The following KHDRBS2 variants were observed in gnomAD, a reference collection of about 807,000 sequenced individuals.
The protein encoded by KHDRBS2 is KH domain-containing, RNA-binding, signal transduction-associated protein 2.
A neutral mutation model predicts 44.3 loss-of-function variants in KHDRBS2; 26 were observed. The ratio of observed to expected loss-of-function variants is 0.59; its 90% CI spans 0.43 to 0.81. The LOEUF (loss-of-function observed/expected upper bound fraction) is 0.81, where lower values mean the gene tolerates loss of function less well. KHDRBS2 is among the 40% of genes least tolerant of loss of function. KHDRBS2 has a pLI of 0.00. For missense variants in KHDRBS2, 476 were observed against 433.1 expected, an observed-to-expected ratio of 1.10 and a Z score of -0.88; for synonymous variants, 194 against 151.1, an observed-to-expected ratio of 1.28 and a Z score of -2.08.
chr6:61,807,419 C>G (rs2127591544), intron 6 of KHDRBS2, among the ~76,000 whole-genome samples: 1 of 152,202 alleles, frequency 6.6e-6, no homozygotes, highest in South Asian at 2.1e-4. Flanking sequence ...TGGACTCAAC[C>G]TAAATGTCCA....
intron 2 of KHDRBS2, among the ~76,000 whole-genome samples, chr6:62,171,682 G>A (rs1248831214): frequency 6.6e-6 from 1 of 151,952 alleles, no homozygotes; most frequent in Non-Finnish European, 1.5e-5. Context: ...GCTAGAGAAG[G>A]GGCAGGCCAC....
chr6:61,801,948 C>A (rs1743450), intron 6 of KHDRBS2, among the ~76,000 whole-genome samples: 21,924 of 152,066 alleles, frequency 0.14, 2,233 homozygotes, highest in South Asian at 0.27. Context: ...TCATATGAAT[C>A]CTTTAAATCT....
intron 4 of KHDRBS2, 93 bp from the exon 5 acceptor site, chr6:61,901,464 G>T: frequency 5.4e-6 from 5 of 928,290 alleles, no homozygotes; most frequent in Admixed American, 2.6e-5. Context: ...AAACGCAATA[G>T]GAAATAATTT....
intron 6 of KHDRBS2, among the ~76,000 whole-genome samples, chr6:61,741,526 GTAT>G (rs1456256206): frequency 3.3e-5 from 5 of 151,832 alleles, no homozygotes; most frequent in Non-Finnish European, 5.9e-5. Flanking sequence ...TGTTACATGA[GTAT>G]ACTGTATTTT....
At position 62,139,547 on chromosome 6, in the gene KHDRBS2, C is replaced by T. The variant is rs186601394; in HGVS notation, c.219+37638G>A. On this transcript the variant is annotated intron_variant, in intron 2 of 8. Coordinates refer to ENST00000281156, the MANE Select transcript of KHDRBS2 (RefSeq NM_152688.4). ...CAGCCTGGGTGACAGAGTAAGACTC[C>T]GCCTCAAAAAAAAAATAAAAAGAAA... is the stretch of plus-strand genomic sequence containing the variant. 5.8e-3 allele frequency among the ~76,000 whole-genome samples: 568 copies of T among 98,130 alleles called. 1 individual carries two copies. Among genetic ancestry groups the T allele is most frequent in the South Asian group, 0.026 (67 of 2,616 alleles). The allele number at this position is 98,130 out of a possible 152,430, so 64.4% of individuals were successfully genotyped here. A position where few individuals can be genotyped will look rare whatever the true frequency, so the allele number is the denominator to read the frequency against.
chr6:61,877,355 C>T (rs961330719), intron 6 of KHDRBS2, among the ~76,000 whole-genome samples: 2 of 151,782 alleles, frequency 1.3e-5, no homozygotes, highest in Admixed American at 6.6e-5. Flanking sequence ...CTTTTAAATG[C>T]TTTACTGGGA....
intron 2 of KHDRBS2, among the ~76,000 whole-genome samples, chr6:62,122,894 T>G (rs1318515290): frequency 7.9e-6 from 1 of 126,506 alleles, no homozygotes; most frequent in African/African-American, 3.2e-5. Flanking sequence ...ATTTATTTAC[T>G]TTTTGACGTT....
At chr6:61,895,818 G>C (rs972900092) in intron 5 of KHDRBS2, among the ~76,000 whole-genome samples, 2 of 152,172 alleles carry the variant, frequency 1.3e-5, no homozygotes, top group African/African-American at 4.8e-5. Context: ...ACAGTATTTG[G>C]CTGTAGGCAC....
At position 62,177,194 on chromosome 6, in the gene KHDRBS2, C is replaced by T. The variant is rs6921170; in HGVS notation, c.210G>A (p.Gln70=). 934,826 of 1,556,374 alleles carry T rather than the reference C, an allele frequency of 0.6. 283,727 individuals carry two copies. Among genetic ancestry groups the T allele is most frequent in the African/African-American group, 0.62 (45,455 of 73,414 alleles). The change falls in exon 2 of 9, where the codon CAG becomes CAA. Residue 70 remains glutamine (Q), a synonymous_variant. Transcript: ENST00000281156. ...GTATATATGGTAGTACCTTTGGATACTGCTTGACAGGAATCAGTACTCTTT... is the reference window on the plus strand; with the variant it reads ...GTATATATGGTAGTACCTTTGGATATTGCTTGACAGGAATCAGTACTCTTT... ...LSERVLIPVK[Q]YPKFNFVGKL...
chr6:61,802,414 T>G (rs1485677710), intron 6 of KHDRBS2, among the ~76,000 whole-genome samples: 1 of 152,172 alleles, frequency 6.6e-6, no homozygotes, highest in African/African-American at 2.4e-5. Flanking sequence ...AAAGTGAATC[T>G]TAAGGGCTTT....
intron 1 of KHDRBS2, among the ~76,000 whole-genome samples, chr6:62,241,859 C>T (rs1834739877): frequency 6.6e-6 from 1 of 152,046 alleles, no homozygotes; most frequent in South Asian, 2.1e-4. Context: ...TATAGTCTGG[C>T]TCCGAAAATA....
chr6:62,280,438 G>C (rs1023573730), intron 1 of KHDRBS2, among the ~76,000 whole-genome samples: 2 of 152,136 alleles, frequency 1.3e-5, no homozygotes, highest in African/African-American at 4.8e-5. Flanking sequence ...AAAGAAATCA[G>C]AAGAAGGTCA....
chr6:61,610,751 A>C, the KHDRBS2 span, among the ~76,000 whole-genome samples: 2 of 152,256 alleles, frequency 1.3e-5, no homozygotes, highest in African/African-American at 4.8e-5. Flanking sequence ...AGTGTTTTTA[A>C]AAGCTAAACA....
intron 3 of KHDRBS2, among the ~76,000 whole-genome samples, chr6:62,029,705 A>C (rs1783997083): frequency 6.6e-6 from 1 of 152,006 alleles, no homozygotes; most frequent in African/African-American, 2.4e-5. Flanking sequence ...AAAGATAAAA[A>C]AACAGAAAGG....
chr6:62,230,753 C>T (rs917379166), intron 1 of KHDRBS2, among the ~76,000 whole-genome samples: 4 of 152,304 alleles, frequency 2.6e-5, no homozygotes, highest in African/African-American at 9.6e-5. Context: ...AAAATCCCAA[C>T]TATGATGTTT....
chr6:62,257,438 CAG>C (rs1585459849), intron 1 of KHDRBS2, among the ~76,000 whole-genome samples: 2 of 152,050 alleles, frequency 1.3e-5, no homozygotes, highest in East Asian at 1.9e-4. Context: ...AAATAAATAA[CAG>C]AGCAGATTAT....
At chr6:61,568,173 T>G in the KHDRBS2 span, among the ~76,000 whole-genome samples, 1 of 152,190 alleles carries the variant, frequency 6.6e-6, no homozygotes, top group Non-Finnish European at 1.5e-5. Flanking sequence ...TATTTCTGGG[T>G]TCTCTAATCT....
rs1408533267 is a variant in KHDRBS2 at position 61,990,297 on chromosome 6, A to G, written c.337-12085T>C. Among the ~76,000 whole-genome samples, 3 of 152,242 alleles carry G rather than the reference A, an allele frequency of 2.0e-5. No individual in the cohort carries two copies. In the East Asian group the frequency reaches 5.8e-4, roughly 29 times the overall value. On this transcript the variant is annotated intron_variant, in intron 3 of 8. Transcript: ENST00000281156. ...AATTAACAAAGATGATGAAGGAAACATTAGGGAAGTGGAAGGTAGACCCAG... is the reference window on the plus strand; with the variant it reads ...AATTAACAAAGATGATGAAGGAAACGTTAGGGAAGTGGAAGGTAGACCCAG...
intron 6 of KHDRBS2, among the ~76,000 whole-genome samples, chr6:61,791,128 T>C (rs1784577712): frequency 6.6e-6 from 1 of 151,424 alleles, no homozygotes; most frequent in South Asian, 2.1e-4. Flanking sequence ...TCTGTGAGTT[T>C]TCCCTTTTTT....
Sources: allele counts gnomAD v4.1 joint callset (sites outside exome capture counted in the v4.1 genomes callset), GRCh38; gene constraint gnomAD v4.1.1; transcripts MANE v1.5; gene names NCBI Gene and HGNC (gene_info 2026-07-23, HGNC 2026-07-21).